SCN11A: variants seen among roughly 807,000 people sequenced by gnomAD.
The protein encoded by SCN11A is sodium voltage-gated channel alpha subunit 11, also known as sodium channel protein type 11 subunit alpha.
SCN11A carries 122 observed loss-of-function variants against 162.2 expected under a neutral mutation model. The ratio of observed to expected loss-of-function variants is 0.75; its 90% CI spans 0.65 to 0.87. The LOEUF (loss-of-function observed/expected upper bound fraction) is 0.87, where lower values mean the gene tolerates loss of function less well. SCN11A is among the 40% of genes least tolerant of loss of function. The pLI, the probability that SCN11A is intolerant of heterozygous loss-of-function variation, is 0.00. For missense variants in SCN11A, 2,015 were observed against 2,181.6 expected, an observed-to-expected ratio of 0.92 and a Z score of 1.52; for synonymous variants, 758 against 751.5, an observed-to-expected ratio of 1.01 and a Z score of -0.14.
At chr3:38,932,059 T>C (rs1461962651) in intron 7 of SCN11A, among the ~76,000 whole-genome samples, 1 of 152,024 alleles carries the variant, frequency 6.6e-6, no homozygotes, top group African/African-American at 2.4e-5. Context: ...AAGAAGAATC[T>C]GCAAGAAACT....
At chr3:38,903,073 T>G (rs770050579) in intron 16 of SCN11A, among the ~76,000 whole-genome samples, 27 of 152,260 alleles carry the variant, frequency 1.8e-4, no homozygotes, top group Middle Eastern at 3.4e-3. Flanking sequence ...AAAACAGCAT[T>G]TATTATTTTT....
chr3:38,939,817 C>A (rs1051211409), intron 7 of SCN11A, among the ~76,000 whole-genome samples: 6 of 151,628 alleles, frequency 4.0e-5, no homozygotes, highest in African/African-American at 1.5e-4. Context: ...TCAGGAGAAT[C>A]GCTTGAACCC....
Position 38,847,710 on chromosome 3 carries a change from G to C in SCN11A, c.4360C>G (p.His1454Asp). Residue 1454 changes from histidine to aspartate, a missense_variant, in exon 30 of 30, where the codon CAC (histidine) becomes GAC (aspartate). His to Asp is a moderately conservative substitution (Grantham distance 81). Coordinates refer to ENST00000302328, the MANE Select transcript of SCN11A (RefSeq NM_001349253.2). ...TMISTLENQE[H>D]IPFPPTLFRI... ...AAGAGCGTCGGAGGGAAAGGAATGT[G>C]CTCCTGATTTTCCAAGGTAGAAATC... 1 of 1,606,176 alleles carries C rather than the reference G, an allele frequency of 6.2e-7. No individual in the cohort carries two copies. Among genetic ancestry groups the C allele is most frequent in the Non-Finnish European group, 8.5e-7 (1 of 1,175,610 alleles).
intron 2 of SCN11A, among the ~76,000 whole-genome samples, chr3:39,010,973 C>A (rs530984257): frequency 6.6e-6 from 1 of 152,098 alleles, no homozygotes; most frequent in Non-Finnish European, 1.5e-5. Flanking sequence ...ATCAAGAGAG[C>A]GGACTGTGGT....
intron 1 of SCN11A, among the ~76,000 whole-genome samples, chr3:39,042,974 A>AAGAAAAG (rs1553652699): frequency 9.6e-6 from 1 of 103,662 alleles, no homozygotes; most frequent in African/African-American, 5.4e-5. Context: ...AAAAAAAAAA[A>AAGAAAAG]AAAAAGAAAA....
chr3:38,948,780 C>CA (rs139154094), intron 5 of SCN11A, among the ~76,000 whole-genome samples: 2,424 of 152,294 alleles, frequency 0.016, 67 homozygotes, highest in African/African-American at 0.056. Flanking sequence ...CCTGTTCTCC[C>CA]GGACTGTCAG....
chr3:38,880,485 G>T (rs543987493), intron 22 of SCN11A, among the ~76,000 whole-genome samples: 3 of 152,100 alleles, frequency 2.0e-5, no homozygotes, highest in Non-Finnish European at 4.4e-5. Flanking sequence ...CCACCCAGTG[G>T]CATAGACCAT....
chr3:39,030,863 A>T (rs968156168), intron 2 of SCN11A, among the ~76,000 whole-genome samples: 4 of 152,048 alleles, frequency 2.6e-5, no homozygotes, highest in African/African-American at 9.7e-5. Flanking sequence ...TTTATGGGAG[A>T]AAATAGGTTT....
chr3:38,873,470 GT>G (rs1479432825), intron 23 of SCN11A, among the ~76,000 whole-genome samples: 3 of 152,318 alleles, frequency 2.0e-5, no homozygotes, highest in Admixed American at 1.3e-4. Flanking sequence ...TATTTATAAT[GT>G]TTTTAGTGGG....
Position 38,910,215 on chromosome 3 carries a change from T to C in SCN11A, c.960-8A>G. Reference sequence around the variant, plus strand: ...TATTGTATGGAACAGGCACTAGATATTGGAAACAAACAGAGAAATAATTAT... The same window carrying C: ...TATTGTATGGAACAGGCACTAGATACTGGAAACAAACAGAGAAATAATTAT... On this transcript the variant is annotated splice_polypyrimidine_tract_variant and splice_region_variant and intron_variant, in intron 11 of 29. Transcript: ENST00000302328. The C allele has an allele frequency of 1.2e-6, 2 of 1,606,576 alleles. No homozygotes were observed. Among genetic ancestry groups the C allele is most frequent in the Non-Finnish European group, 1.7e-6 (2 of 1,176,536 alleles).
At chr3:38,894,466 G>C in intron 19 of SCN11A, 67 bp downstream of exon 19, 1 of 1,315,622 alleles carries the variant, frequency 7.6e-7, no homozygotes, top group Non-Finnish European at 1.1e-6. Context: ...GAAAAGGGCA[G>C]GCTACCAGTG....
intron 2 of SCN11A, among the ~76,000 whole-genome samples, chr3:38,962,806 C>G (rs190784024): frequency 1.3e-5 from 2 of 151,986 alleles, no homozygotes; most frequent in Admixed American, 6.5e-5. Context: ...AGATATCATG[C>G]CACTTCACTC....
intron 16 of SCN11A, among the ~76,000 whole-genome samples, chr3:38,902,888 C>T (rs747276974): frequency 3.3e-5 from 5 of 151,422 alleles, no homozygotes; most frequent in Non-Finnish European, 7.4e-5. Flanking sequence ...AAAAAAAATG[C>T]CAAAAAAGGA....
At chr3:39,026,987 C>G (rs1285293679) in intron 2 of SCN11A, among the ~76,000 whole-genome samples, 1 of 152,142 alleles carries the variant, frequency 6.6e-6, no homozygotes, top group East Asian at 1.9e-4. Flanking sequence ...GTCCCTAAAG[C>G]CCCCAGGGGT....
chr3:38,910,873 G>A (rs2065877855), intron 11 of SCN11A, among the ~76,000 whole-genome samples: 1 of 152,084 alleles, frequency 6.6e-6, no homozygotes, highest in South Asian at 2.1e-4. Context: ...ACAAATTATT[G>A]AGTGTATCTA....
chr3:38,904,630 G>C (rs1427200828), intron 15 of SCN11A, among the ~76,000 whole-genome samples: 7 of 152,096 alleles, frequency 4.6e-5, no homozygotes, highest in Non-Finnish European at 1.0e-4. Flanking sequence ...AGATGATGCA[G>C]TAGGCTTAAA....
At chr3:38,998,904 T>C (rs1465759271) in intron 2 of SCN11A, among the ~76,000 whole-genome samples, 1 of 109,290 alleles carries the variant, frequency 9.1e-6, no homozygotes, top group Non-Finnish European at 1.8e-5. Context: ...CCGGGGCCTG[T>C]TGTGGGGTGG....
At chr3:38,934,566 G>C (rs1458128508) in intron 7 of SCN11A, among the ~76,000 whole-genome samples, 2 of 151,966 alleles carry the variant, frequency 1.3e-5, no homozygotes, top group African/African-American at 4.8e-5. Flanking sequence ...AAAAAAGGCA[G>C]GGGTTGCAAT....
intron 2 of SCN11A, among the ~76,000 whole-genome samples, chr3:39,011,160 T>C (rs1176424642): frequency 6.6e-6 from 1 of 152,182 alleles, no homozygotes; most frequent in South Asian, 2.1e-4. Context: ...ACCTCCCTGA[T>C]GGTTTACAGA....
Sources: allele counts gnomAD v4.1 joint callset (sites outside exome capture counted in the v4.1 genomes callset), GRCh38; gene constraint gnomAD v4.1.1; transcripts MANE v1.5; gene names NCBI Gene and HGNC (gene_info 2026-07-23, HGNC 2026-07-21).